PRCD: variants seen among roughly 807,000 people sequenced by gnomAD.
PRCD encodes the protein photoreceptor disk component PRCD.
In PRCD, 12 loss-of-function variants were observed where a neutral mutation model predicts 10.1. The observed-to-expected ratio is 1.18, with a 90% CI of 0.76 to 1.92. The LOEUF (loss-of-function observed/expected upper bound fraction) is 1.92. Ranked by LOEUF, PRCD falls within the 40% of genes most tolerant of loss-of-function variation. The pLI, the probability that PRCD is intolerant of heterozygous loss-of-function variation, is 0.00. For missense variants in PRCD, 61 were observed against 72.2 expected (o/e 0.84, Z 0.56); for synonymous variants, 31 against 26.2 (o/e 1.18, Z -0.56).
chr17:76,533,027 C>A lies in PRCD; in HGVS notation n.45+5194C>A, dbSNP rs943024218. On this transcript the variant is annotated intron_variant and non_coding_transcript_variant, in intron 1 of 4. Coordinates refer to the PRCD transcript ENST00000397633. This position sits in a 1 kb window ranked among gnomAD's most constrained non-coding sequence, Gnocchi z 4.5. ...GCGATCAGAGAGAGCTGATAATTTG[C>A]GGAAGTAGCCCTTTGGCCAGGAGTC... is the stretch of plus-strand genomic sequence containing the variant. Among the ~76,000 whole-genome samples the A allele has an allele frequency of 2.0e-5, 3 of 152,194 alleles. No homozygotes were observed. Among genetic ancestry groups the A allele is most frequent in the Non-Finnish European group, 2.9e-5 (2 of 68,034 alleles).
downstream of PRCD, chr17:76,546,433 TTG>T (rs1244243307): frequency 8.9e-4 from 17 of 19,034 alleles, no homozygotes; most frequent in Non-Finnish European, 2.5e-3. The surrounding 1 kb of genome is among the most constrained non-coding windows in gnomAD (Gnocchi z 4.5). Context: ...AAGTGTGCGG[TTG>T]TGTGTGTGTG....
upstream of PRCD, chr17:76,537,643 G>C (rs866977912): frequency 2.1e-3 from 2,047 of 959,502 alleles, 2 homozygotes; most frequent in Middle Eastern, 3.2e-3. Context: ...CTGCGTGCGC[G>C]GCGGGCGGGC....
intron 2 of PRCD, among the ~76,000 whole-genome samples, chr17:76,541,119 C>G (rs1022211241): frequency 1.3e-5 from 2 of 152,310 alleles, no homozygotes; most frequent in Admixed American, 6.5e-5. Context: ...TAGGCTGGAG[C>G]CATGTGGTCT....
In PRCD at chr17:76,542,562, A is replaced by G. The variant is rs1189782156; in HGVS notation, c.153A>G (p.Glu51=). 6.2e-7 allele frequency: 1 copy of G among 1,614,038 alleles called. No individual in the cohort carries two copies. Among genetic ancestry groups the G allele is most frequent in the Non-Finnish European group, 8.5e-7 (1 of 1,180,020 alleles). ...ADPQSSGREK[E]PLK ...GCTTTCCTCTGTTTAGGGAGAAAGAACCTCTGAAGTAAGCCCTCACCTCTG... is the reference window on the plus strand; with the variant it reads ...GCTTTCCTCTGTTTAGGGAGAAAGAGCCTCTGAAGTAAGCCCTCACCTCTG... Residue 51 remains glutamate, a synonymous_variant, in exon 3 of 5, where the codon GAA becomes GAG. Transcript: ENST00000592014.
chr17:76,544,733 G>T lies in PRCD; in HGVS notation c.*1083G>T, dbSNP rs778404458. 2.2e-6 allele frequency: 1 copy of T among 456,652 alleles called. No homozygotes were observed. The highest frequency in any genetic ancestry group is 4.4e-6 in the Non-Finnish European group (1 of 226,984). 28.3% of individuals were successfully genotyped at this position (456,652 alleles called of 1,614,324 possible). On this transcript the variant is annotated 3_prime_UTR_variant, in exon 5 of 5. Transcript: ENST00000592014. ...TCCCGGGACCCAGTCTGTGTTCCCCGATCCTATCTGCATTTATTCTCTATT... is the reference window on the plus strand; with the variant it reads ...TCCCGGGACCCAGTCTGTGTTCCCCTATCCTATCTGCATTTATTCTCTATT...
chr17:76,537,326 GGCCCA>G, upstream of PRCD: 1 of 1,444,372 alleles, frequency 6.9e-7, no homozygotes, highest in Non-Finnish European at 9.1e-7. Context: ...CTCGGACCCG[GGCCCA>G]GCCCTCCTCT....
At chr17:76,541,284 G>GACTC (rs1455272276) in intron 2 of PRCD, among the ~76,000 whole-genome samples, 1 of 152,164 alleles carries the variant, frequency 6.6e-6, no homozygotes, top group East Asian at 1.9e-4. Context: ...TGTGCCTATG[G>GACTC]ACTCACCTAG....
At position 76,540,250 on chromosome 17, in the gene PRCD, T is replaced by A. The variant is rs577810284; in HGVS notation, c.74+35T>A. On this transcript the variant is annotated intron_variant, in intron 1 of 4. Transcript: ENST00000592014. The surrounding 1 kb of genome is among the most constrained non-coding windows in gnomAD (Gnocchi z 5.0). ...TGACCGGGCTATGGCTGGCGGTTGGTCGGGGGGGGGGGGCATGGGGCTGGG... is the reference window on the plus strand; with the variant it reads ...TGACCGGGCTATGGCTGGCGGTTGGACGGGGGGGGGGGGCATGGGGCTGGG... The A allele has an allele frequency of 4.3e-6, 2 of 467,224 alleles. No individual in the cohort carries two copies. The highest frequency in any genetic ancestry group is 9.0e-5 in the African/African-American group (2 of 22,232). 28.9% of individuals were successfully genotyped at this position (467,224 alleles called of 1,614,324 possible).
rs4648338 is a variant in PRCD at position 76,540,254 on chromosome 17, G to A, written c.74+39G>A. The A allele has an allele frequency of 1.1e-6, 1 of 887,858 alleles. No homozygotes were observed. 55.0% of individuals were successfully genotyped at this position (887,858 alleles called of 1,614,324 possible). A position where few individuals can be genotyped will look rare whatever the true frequency, so the allele number is the denominator to read the frequency against. On this transcript the variant is annotated intron_variant, in intron 1 of 4. Coordinates refer to ENST00000592014, the MANE Select transcript of PRCD (RefSeq NM_001077620.3). This position sits in a 1 kb window ranked among gnomAD's most constrained non-coding sequence, Gnocchi z 5.0. ...CGGGCTATGGCTGGCGGTTGGTCGG[G>A]GGGGGGGGGCATGGGGCTGGGCTGC...
rs746010185 is a variant in PRCD, at chr17:76,542,536, T to C, written c.144-17T>C. On this transcript the variant is annotated splice_polypyrimidine_tract_variant and intron_variant, in intron 2 of 4. Transcript: ENST00000592014. ...TCGTGCCCTTCAATCCTGACCCCAGTGCTTTCCTCTGTTTAGGGAGAAAGA... is the reference window on the plus strand; with the variant it reads ...TCGTGCCCTTCAATCCTGACCCCAGCGCTTTCCTCTGTTTAGGGAGAAAGA... 8 of 1,614,194 alleles carry C rather than the reference T, an allele frequency of 5.0e-6. No individual in the cohort carries two copies. The highest frequency in any genetic ancestry group is 5.9e-6 in the Non-Finnish European group (7 of 1,180,032).
At chr17:76,541,023 T>C (rs924924926) in intron 2 of PRCD, among the ~76,000 whole-genome samples, 10 of 152,138 alleles carry the variant, frequency 6.6e-5, no homozygotes. Context: ...GGGAGGAGCA[T>C]GACATCATCA....
rs78826089 is a variant in PRCD at position 76,531,273 on chromosome 17, C to T, written n.45+3440C>T. The T allele has an allele frequency of 3.4e-4, 416 of 1,235,952 alleles. No individual in the cohort carries two copies. In the African/African-American group the frequency reaches 5.3e-3, roughly 16 times the overall value. 76.6% of individuals were successfully genotyped at this position (1,235,952 alleles called of 1,614,324 possible). On this transcript the variant is annotated intron_variant and non_coding_transcript_variant, in intron 1 of 4. Transcript: ENST00000397633. This position sits in a 1 kb window ranked among gnomAD's most constrained non-coding sequence, Gnocchi z 7.4. ...AACAGTCTGGCAGCTTTGGGAACCC[C>T]GTGCTCTCAGGACAAGGGTTGCCCT... is the stretch of plus-strand genomic sequence containing the variant.
In PRCD at chr17:76,528,910, C is replaced by T. The variant is rs547100432; in HGVS notation, n.45+1077C>T. 3.8e-5 allele frequency: 45 copies of T among 1,186,222 alleles called. No homozygotes were observed. The highest frequency in any genetic ancestry group is 4.4e-5 in the Non-Finnish European group (42 of 959,656). The allele number at this position is 1,186,222 out of a possible 1,614,324, so 73.5% of individuals were successfully genotyped here. ...AAAGTGTTTCACAAACTGCAAAGCA[C>T]GATACCAATGTGAGCTCTTTTTCCA... On this transcript the variant is annotated intron_variant and non_coding_transcript_variant, in intron 1 of 4. Transcript: ENST00000397633. This position sits in a 1 kb window ranked among gnomAD's most constrained non-coding sequence, Gnocchi z 5.8.
chr17:76,534,110 T>C (rs1487658638), intron 1 of PRCD, among the ~76,000 whole-genome samples: 1 of 147,978 alleles, frequency 6.8e-6, no homozygotes, highest in Non-Finnish European at 1.5e-5. Context: ...TTTCTTTCTT[T>C]CTTCTTTCTT....
Position 76,540,648 on chromosome 17 carries a change from C to CA in PRCD, c.143+75_143+76insA. 11 of 1,455,996 alleles carry CA rather than the reference C, an allele frequency of 7.6e-6. No homozygotes were observed. The highest frequency in any genetic ancestry group is 1.1e-5 in the Non-Finnish European group (11 of 1,042,496). 90.2% of individuals were successfully genotyped at this position (1,455,996 alleles called of 1,614,324 possible). ...GTGGCTGTGCATGCCTGGGGGTGCA[C>CA]GTGTGTGCCTGTGCGCGCCTGTGCG... On this transcript the variant is annotated intron_variant, in intron 2 of 4. Coordinates refer to ENST00000592014, the MANE Select transcript of PRCD (RefSeq NM_001077620.3). The surrounding 1 kb of genome is among the most constrained non-coding windows in gnomAD (Gnocchi z 5.0).
chr17:76,536,077 C>T (rs949044977), upstream of PRCD, among the ~76,000 whole-genome samples: 4 of 152,270 alleles, frequency 2.6e-5, no homozygotes, highest in Admixed American at 6.5e-5. Context: ...TTGGTGGTTC[C>T]GAGCGTCTGA....
At position 76,540,600 on chromosome 17, in the gene PRCD, G is replaced by A. The variant is rs1387955475; in HGVS notation, c.143+27G>A. 1.9e-6 allele frequency: 3 copies of A among 1,609,236 alleles called. No individual in the cohort carries two copies. The highest frequency in any genetic ancestry group is 2.2e-5 in the East Asian group (1 of 44,854). On this transcript the variant is annotated intron_variant, in intron 2 of 4. Transcript: ENST00000592014. The surrounding 1 kb of genome is among the most constrained non-coding windows in gnomAD (Gnocchi z 5.0). The stretch of plus-strand genomic sequence containing the variant: ...TAAGGCAGGAGTCTGGGCTGGGGGA[G>A]GGAGGGTGCTGCCAAGGAAGCTGTG...
downstream of PRCD, among the ~76,000 whole-genome samples, chr17:76,548,147 A>G (rs1265363861): frequency 1.3e-5 from 2 of 152,156 alleles, no homozygotes; most frequent in African/African-American, 4.8e-5. Context: ...ACACAGACAT[A>G]CACATTCACA....
In PRCD at chr17:76,540,439, C is replaced by G. The variant is rs1051400643; in HGVS notation, c.75-66C>G. 1.2e-4 allele frequency: 180 copies of G among 1,558,494 alleles called. No homozygotes were observed. Among genetic ancestry groups the G allele is most frequent in the Non-Finnish European group, 8.4e-5 (95 of 1,130,206 alleles). On this transcript the variant is annotated intron_variant, in intron 1 of 4. Coordinates refer to ENST00000592014, the MANE Select transcript of PRCD (RefSeq NM_001077620.3). This position sits in a 1 kb window ranked among gnomAD's most constrained non-coding sequence, Gnocchi z 5.0. ...TCCCATAGCCCAATGCGGCCTGGACCTGTGGAGGGACAGTGAGGGGCTGGG... is the reference window on the plus strand; with the variant it reads ...TCCCATAGCCCAATGCGGCCTGGACGTGTGGAGGGACAGTGAGGGGCTGGG...
Sources: allele counts gnomAD v4.1 joint callset (sites outside exome capture counted in the v4.1 genomes callset), GRCh38; gene constraint gnomAD v4.1.1; non-coding constraint Gnocchi (gnomAD v3.1); transcripts MANE v1.5; gene names NCBI Gene and HGNC (gene_info 2026-07-23, HGNC 2026-07-21).